CDH18: variants seen among roughly 807,000 people sequenced by gnomAD.
The protein encoded by CDH18 is cadherin-18.
In CDH18, 31 loss-of-function variants were observed where a neutral mutation model predicts 67.9. That is an observed-to-expected ratio of 0.46 (90% CI 0.34 to 0.62). CDH18 has a LOEUF of 0.62. Among genes scored for constraint, CDH18 ranks in the 20% least tolerant of loss-of-function variants. The probability of loss-of-function intolerance (pLI) is 0.01; values close to 1 mark genes in which losing one functional copy is unlikely to be tolerated. For missense variants in CDH18, 890 were observed against 975.5 expected (o/e 0.91, Z 1.17); for synonymous variants, 362 against 347.2 (o/e 1.04, Z -0.48).
chr5:19,899,398 TC>T (rs1789691798), intron 2 of CDH18, among the ~76,000 whole-genome samples: 1 of 97,858 alleles, frequency 1.0e-5, no homozygotes. Flanking sequence ...AGACTCCATT[TC>T]AAAAAAAAAA....
chr5:20,181,439 T>A (rs531241446), intron 2 of CDH18, among the ~76,000 whole-genome samples: 1 of 152,154 alleles, frequency 6.6e-6, no homozygotes, highest in East Asian at 1.9e-4. Context: ...GAATGAGAGA[T>A]CTCATGAAGG....
intron 1 of CDH18, among the ~76,000 whole-genome samples, chr5:20,340,417 C>T (rs1740159923): frequency 6.6e-6 from 1 of 152,128 alleles, no homozygotes. Context: ...CTCTGCAGGC[C>T]TATAAAACCC....
chr5:19,962,632 T>C (rs1470639980), intron 2 of CDH18, among the ~76,000 whole-genome samples: 1 of 151,672 alleles, frequency 6.6e-6, no homozygotes, highest in Non-Finnish European at 1.5e-5. Flanking sequence ...AAAAGTTGGC[T>C]GGGCATGGTG....
At chr5:20,194,300 A>G (rs1738787365) in intron 2 of CDH18, among the ~76,000 whole-genome samples, 1 of 152,106 alleles carries the variant, frequency 6.6e-6, no homozygotes, top group African/African-American at 2.4e-5. Context: ...AAAAATCAGA[A>G]GTATTTGTTT....
intron 5 of CDH18, among the ~76,000 whole-genome samples, chr5:19,615,491 C>T (rs908753499): frequency 2.6e-5 from 4 of 152,138 alleles, no homozygotes; most frequent in African/African-American, 9.7e-5. Flanking sequence ...TCCCCACTAA[C>T]AGTATTCCAT....
intron 5 of CDH18, among the ~76,000 whole-genome samples, chr5:19,662,732 G>A (rs969622243): frequency 6.6e-6 from 1 of 151,936 alleles, no homozygotes. Flanking sequence ...CTCATGACTT[G>A]TATAGTGTGT....
At chr5:19,904,693 G>A (rs1790346831) in intron 2 of CDH18, among the ~76,000 whole-genome samples, 1 of 152,198 alleles carries the variant, frequency 6.6e-6, no homozygotes, top group Admixed American at 6.5e-5. Flanking sequence ...TGAAAAACAA[G>A]TGTTGGATTT....
At chr5:19,872,837 C>T (rs1402238920) in intron 2 of CDH18, among the ~76,000 whole-genome samples, 1 of 152,166 alleles carries the variant, frequency 6.6e-6, no homozygotes, top group Non-Finnish European at 1.5e-5. Context: ...CTCAAGTATA[C>T]AAGCCTAGAG....
chr5:19,523,290 T>C (rs1747218962), intron 9 of CDH18, among the ~76,000 whole-genome samples: 1 of 152,166 alleles, frequency 6.6e-6, no homozygotes, highest in Admixed American at 6.5e-5. Flanking sequence ...CATGCACAAT[T>C]TCAAAACACA....
intron 2 of CDH18, among the ~76,000 whole-genome samples, chr5:20,039,926 A>G (rs989366232): frequency 2.6e-5 from 4 of 152,016 alleles, no homozygotes; most frequent in Non-Finnish European, 4.4e-5. Context: ...CAGAATGGGA[A>G]AAAATTTTTG....
chr5:19,897,730 A>G (rs956807885), intron 2 of CDH18, among the ~76,000 whole-genome samples: 3 of 152,088 alleles, frequency 2.0e-5, no homozygotes, highest in Non-Finnish European at 4.4e-5. Flanking sequence ...TTATACAGCA[A>G]TAATCATGAA....
chr5:19,990,370 A>T (rs1799913025), upstream of CDH18, among the ~76,000 whole-genome samples: 2 of 152,176 alleles, frequency 1.3e-5, no homozygotes, highest in South Asian at 4.1e-4. Context: ...CATCTTAGGG[A>T]TACACTTCAA....
At chr5:20,282,789 A>G (rs2126706441) in intron 1 of CDH18, among the ~76,000 whole-genome samples, 1 of 152,222 alleles carries the variant, frequency 6.6e-6, no homozygotes, top group South Asian at 2.1e-4. Flanking sequence ...ACAATCCTAA[A>G]GTTTATATGA....
intron 12 of CDH18, among the ~76,000 whole-genome samples, chr5:19,476,694 C>G (rs191971991): frequency 2.0e-5 from 3 of 152,120 alleles, no homozygotes; most frequent in Admixed American, 6.5e-5. Flanking sequence ...TATTATAATA[C>G]AATTTCTTAC....
At chr5:19,958,547 G>T (rs544427432) in intron 2 of CDH18, among the ~76,000 whole-genome samples, 1 of 151,786 alleles carries the variant, frequency 6.6e-6, no homozygotes, top group Non-Finnish European at 1.5e-5. Flanking sequence ...CCTAGCACAC[G>T]CCAGGAACTT....
chr5:19,895,914 G>C (rs1295479360), intron 2 of CDH18, among the ~76,000 whole-genome samples: 1 of 152,068 alleles, frequency 6.6e-6, no homozygotes, highest in Non-Finnish European at 1.5e-5. Context: ...TCTGTATTCT[G>C]ACTGTGATGG....
At chr5:19,535,050 A>G (rs1296584720) in intron 9 of CDH18, among the ~76,000 whole-genome samples, 1 of 152,160 alleles carries the variant, frequency 6.6e-6, no homozygotes, top group East Asian at 1.9e-4. Context: ...TTACAGCCCT[A>G]ATCAAAATCT....
chr5:19,821,817 T>C (rs553986458), intron 3 of CDH18, among the ~76,000 whole-genome samples: 11 of 152,246 alleles, frequency 7.2e-5, no homozygotes, highest in African/African-American at 2.6e-4. Flanking sequence ...TTCAGCATCC[T>C]TAAAGAAAAT....
chr5:19,733,950 C>T (rs940145061), intron 4 of CDH18, among the ~76,000 whole-genome samples: 1 of 152,178 alleles, frequency 6.6e-6, no homozygotes, highest in Non-Finnish European at 1.5e-5. Context: ...TGCTTGCTTA[C>T]ATGCTCACTC....
Sources: allele counts gnomAD v4.1 joint callset (sites outside exome capture counted in the v4.1 genomes callset), GRCh38; gene constraint gnomAD v4.1.1; transcripts MANE v1.5; gene names NCBI Gene and HGNC (gene_info 2026-07-23, HGNC 2026-07-21).